SMURF2: variants seen among roughly 807,000 people sequenced by gnomAD.
SMURF2 encodes the protein SMAD specific E3 ubiquitin protein ligase 2.
SMURF2 carries 48 observed loss-of-function variants against 109.6 expected under a neutral mutation model. That is an observed-to-expected ratio of 0.44 (90% CI 0.35 to 0.56). The LOEUF (loss-of-function observed/expected upper bound fraction) is 0.56. SMURF2 is among the 20% of genes least tolerant of loss of function. The probability of loss-of-function intolerance (pLI) is 0.01; values close to 1 mark genes in which losing one functional copy is unlikely to be tolerated. For missense variants in SMURF2, 575 were observed against 909.0 expected (o/e 0.63, Z 4.72); for synonymous variants, 288 against 317.1 (o/e 0.91, Z 0.97).
At chr17:64,588,723 G>A (rs182098811) in intron 5 of SMURF2, among the ~76,000 whole-genome samples, 6 of 152,050 alleles carry the variant, frequency 3.9e-5, no homozygotes, top group Admixed American at 6.5e-5. Context: ...AGGTTAAAGC[G>A]ATTCTCCTGC....
intron 2 of SMURF2, among the ~76,000 whole-genome samples, chr17:64,601,456 A>G (rs1368984472): frequency 2.6e-5 from 4 of 152,342 alleles, no homozygotes; most frequent in East Asian, 3.8e-4. Context: ...AATGCTCAGC[A>G]TCACTAAGTA....
At chr17:64,561,374 C>T (rs1555684495) in intron 12 of SMURF2, 126 bp downstream of exon 12, 6 of 650,376 alleles carry the variant, frequency 9.2e-6, no homozygotes, top group Middle Eastern at 5.0e-4. Context: ...TTAGGATATC[C>T]TCAGTGATAC....
chr17:64,601,128 C>T (rs1438050319), intron 2 of SMURF2, among the ~76,000 whole-genome samples: 1 of 151,914 alleles, frequency 6.6e-6, no homozygotes, highest in Non-Finnish European at 1.5e-5. Context: ...TGGTGGCATA[C>T]GTCTGTAGTC....
intron 10 of SMURF2, among the ~76,000 whole-genome samples, chr17:64,566,866 C>T (rs868947284): frequency 1.4e-5 from 2 of 146,374 alleles, no homozygotes; most frequent in African/African-American, 2.5e-5. Flanking sequence ...CATCGTGCCC[C>T]GCTGACAGAG....
chr17:64,546,746 A>G (rs1331113964), intron 17 of SMURF2, among the ~76,000 whole-genome samples: 1 of 152,256 alleles, frequency 6.6e-6, no homozygotes, highest in African/African-American at 2.4e-5. Context: ...TGACAGCAAA[A>G]GAGCCGTCTA....
At chr17:64,658,447 A>G (rs1970732782) in intron 1 of SMURF2, among the ~76,000 whole-genome samples, 1 of 152,254 alleles carries the variant, frequency 6.6e-6, no homozygotes, top group South Asian at 2.1e-4. Flanking sequence ...AATCGATAAA[A>G]TATGTAGTGA....
intron 1 of SMURF2, among the ~76,000 whole-genome samples, chr17:64,635,258 TGGA>T (rs1332860492): frequency 1.3e-5 from 2 of 149,172 alleles, no homozygotes; most frequent in Admixed American, 1.3e-4. Context: ...ACCAGGGAGG[TGGA>T]GGTTGCGGTG....
chr17:64,657,199 G>C (rs1970716485), intron 1 of SMURF2, among the ~76,000 whole-genome samples: 1 of 152,192 alleles, frequency 6.6e-6, no homozygotes, highest in Admixed American at 6.5e-5. Flanking sequence ...TAGAGTCATA[G>C]AGGACAGTTC....
chr17:64,636,367 C>G (rs550323602), intron 1 of SMURF2, among the ~76,000 whole-genome samples: 2 of 152,110 alleles, frequency 1.3e-5, no homozygotes, highest in Non-Finnish European at 2.9e-5. Flanking sequence ...CTTTGGGAGG[C>G]TGAGGTTGGT....
intron 9 of SMURF2, chr17:64,572,850 A>T (rs1054326692): frequency 1.3e-5 from 2 of 152,014 alleles, no homozygotes; most frequent in Non-Finnish European, 2.9e-5. Context: ...TATCCTCTAC[A>T]CTGTTAGAAA....
chr17:64,588,777 G>A (rs550223550), intron 5 of SMURF2, among the ~76,000 whole-genome samples: 1 of 151,796 alleles, frequency 6.6e-6, no homozygotes, highest in South Asian at 2.1e-4. Context: ...ACACCACCAT[G>A]CCACACCAGC....
intron 10 of SMURF2, among the ~76,000 whole-genome samples, chr17:64,568,870 T>C (rs1299811018): frequency 1.3e-5 from 2 of 150,868 alleles, no homozygotes; most frequent in East Asian, 3.9e-4. Flanking sequence ...GGCGTGGTGG[T>C]GCGCGCCTGT....
rs1425781761 is a variant in SMURF2 at position 64,547,181 on chromosome 17, G to A, written c.2071+419C>T. On this transcript the variant is annotated intron_variant, in intron 17 of 18. Coordinates refer to ENST00000262435, the MANE Select transcript of SMURF2 (RefSeq NM_022739.4). This position sits in a 1 kb window ranked among gnomAD's most constrained non-coding sequence, Gnocchi z 4.2. ...TTAAAATGCTCTGACCGAACAGATG[G>A]TTTCCATGACCCATGCTGCTTCTGT... 6.6e-6 allele frequency among the ~76,000 whole-genome samples: 1 copy of A among 152,192 alleles called. No individual in the cohort carries two copies. The highest frequency in any genetic ancestry group is 1.5e-5 in the Non-Finnish European group (1 of 68,030).
chr17:64,568,467 C>G (rs1374140681), intron 10 of SMURF2, among the ~76,000 whole-genome samples: 2 of 152,124 alleles, frequency 1.3e-5, no homozygotes, highest in African/African-American at 4.8e-5. Context: ...CTCAGAGAGC[C>G]ATACTGGCTC....
intron 1 of SMURF2, among the ~76,000 whole-genome samples, chr17:64,649,898 T>C (rs1031205181): frequency 4.9e-4 from 75 of 152,176 alleles, no homozygotes; most frequent in African/African-American, 1.8e-3. Context: ...AATACCTAAT[T>C]ATATTTCATT....
At chr17:64,647,812 C>G (rs1350779415) in intron 1 of SMURF2, among the ~76,000 whole-genome samples, 5 of 151,614 alleles carry the variant, frequency 3.3e-5, no homozygotes, top group African/African-American at 9.7e-5. Context: ...TTCCAGCTAC[C>G]AGGGAGGCTG....
At chr17:64,559,509 C>T (rs1969179810) in intron 12 of SMURF2, among the ~76,000 whole-genome samples, 1 of 151,820 alleles carries the variant, frequency 6.6e-6, no homozygotes, top group Admixed American at 6.5e-5. Context: ...TGGAGAATCG[C>T]TTGAACCCAG....
intron 10 of SMURF2, among the ~76,000 whole-genome samples, chr17:64,566,892 T>C (rs1378084383): frequency 7.2e-6 from 1 of 138,240 alleles, no homozygotes; most frequent in East Asian, 2.2e-4. Flanking sequence ...TTTTTTTTTT[T>C]TAGATAGAGA....
intron 2 of SMURF2, among the ~76,000 whole-genome samples, chr17:64,601,842 GTGTGTGTGTATA>G (rs1228798252): frequency 6.6e-6 from 1 of 150,402 alleles, no homozygotes; most frequent in Non-Finnish European, 1.5e-5. Context: ...TGTGGTGTGT[GTGTGTGTGTATA>G]TGTGTGTGTG....
Sources: allele counts gnomAD v4.1 joint callset (sites outside exome capture counted in the v4.1 genomes callset), GRCh38; gene constraint gnomAD v4.1.1; non-coding constraint Gnocchi (gnomAD v3.1); transcripts MANE v1.5; gene names NCBI Gene and HGNC (gene_info 2026-07-23, HGNC 2026-07-21).